ME1: variants seen among roughly 807,000 people sequenced by gnomAD.
ME1 encodes NADP-dependent malic enzyme.
A neutral mutation model predicts 66.4 loss-of-function variants in ME1; 74 were observed. The ratio of observed to expected loss-of-function variants is 1.11; its 90% CI spans 0.92 to 1.35. The LOEUF (loss-of-function observed/expected upper bound fraction) is 1.35. ME1 is among the 40% of genes most tolerant of loss of function. The pLI is 0.00. For synonymous variants in ME1, 251 were observed against 235.6 expected, an observed-to-expected ratio of 1.07 and a Z score of -0.60; for missense variants, 750 against 694.1, an observed-to-expected ratio of 1.08 and a Z score of -0.90.
chr6:83,417,681 A>G (rs1770188564), intron 1 of ME1, among the ~76,000 whole-genome samples: 2 of 152,252 alleles, frequency 1.3e-5, no homozygotes, highest in Admixed American at 6.5e-5. Context: ...GCCAGGCCCA[A>G]CTTTTTTTAA....
At chr6:83,323,274 A>G (rs1768216013) in intron 5 of ME1, among the ~76,000 whole-genome samples, 1 of 152,222 alleles carries the variant, frequency 6.6e-6, no homozygotes, top group Non-Finnish European at 1.5e-5. Flanking sequence ...AGCTAGCATA[A>G]TAATGACAGG....
intron 6 of ME1, among the ~76,000 whole-genome samples, chr6:83,278,752 C>T (rs1156458865): frequency 6.6e-6 from 1 of 152,144 alleles, no homozygotes. Context: ...AGCCACTATG[C>T]CAAGCCTATT....
intron 1 of ME1, among the ~76,000 whole-genome samples, chr6:83,426,640 C>A (rs539889376): frequency 2.6e-5 from 4 of 152,214 alleles, no homozygotes; most frequent in Non-Finnish European, 5.9e-5. Context: ...ACACACCCAA[C>A]TAGGTCTTGT....
chr6:83,387,955 T>A (rs1018598727), intron 3 of ME1, among the ~76,000 whole-genome samples: 1 of 152,140 alleles, frequency 6.6e-6, no homozygotes, highest in African/African-American at 2.4e-5. Context: ...ATCTACCAAG[T>A]TCCAGATCCA....
intron 1 of ME1, among the ~76,000 whole-genome samples, chr6:83,429,184 AC>A (rs1770433186): frequency 6.6e-6 from 1 of 152,264 alleles, no homozygotes; most frequent in East Asian, 1.9e-4. Flanking sequence ...AATGGCGTGA[AC>A]CCAGGAGGTG....
At position 83,210,808 on chromosome 6, in the gene ME1, G is replaced by A. The variant is rs1323174641; in HGVS notation, c.*1116C>T. ...ATTACTTCAAACATTAGTTTCTAAA[G>A]TAAATTAATACAGTCTGGGCATATA... On this transcript the variant is annotated 3_prime_UTR_variant, in exon 14 of 14. Transcript: ENST00000369705. 2.0e-5 allele frequency: 3 copies of A among 152,126 alleles called. No individual in the cohort carries two copies. Among genetic ancestry groups the A allele is most frequent in the Non-Finnish European group, 2.9e-5 (2 of 68,016 alleles). The allele number at this position is 152,126 out of a possible 1,614,324, so 9.4% of individuals were successfully genotyped here.
At chr6:83,300,508 T>C (rs550476983) in intron 6 of ME1, among the ~76,000 whole-genome samples, 1 of 151,952 alleles carries the variant, frequency 6.6e-6, no homozygotes, top group South Asian at 2.1e-4. Flanking sequence ...CTAACATCCA[T>C]TATCTATAGA....
chr6:83,387,006 C>T (rs748134221), intron 3 of ME1, among the ~76,000 whole-genome samples: 2 of 135,616 alleles, frequency 1.5e-5, no homozygotes, highest in Non-Finnish European at 3.4e-5. Flanking sequence ...ATCATAGCAG[C>T]CCAAATTGAC....
intron 6 of ME1, among the ~76,000 whole-genome samples, chr6:83,278,005 G>A (rs1302018821): frequency 2.0e-5 from 3 of 151,998 alleles, no homozygotes; most frequent in East Asian, 3.9e-4. Context: ...CTAGAATTCT[G>A]AATCTAGGGT....
At chr6:83,373,460 C>T (rs74736794) in intron 3 of ME1, among the ~76,000 whole-genome samples, 4,559 of 152,204 alleles carry the variant, frequency 0.03, 219 homozygotes, top group African/African-American at 0.1. Context: ...TCTCGAACTC[C>T]GCCCACCTCA....
intron 6 of ME1, among the ~76,000 whole-genome samples, chr6:83,258,460 C>T (rs1355725613): frequency 6.6e-6 from 1 of 152,126 alleles, no homozygotes; most frequent in South Asian, 2.1e-4. Context: ...TTCAATTCTA[C>T]ATAACTATGA....
At chr6:83,228,697 C>G (rs1790243922) in intron 10 of ME1, 129 bp downstream of exon 10, 2 of 661,894 alleles carry the variant, frequency 3.0e-6, no homozygotes, top group Admixed American at 2.8e-5. Context: ...CTACAGGGTA[C>G]TGTCGCTTGA....
rs192927532 is a variant in ME1, at chr6:83,313,231, C to T, written c.704+2079G>A. Among the ~76,000 whole-genome samples the T allele has an allele frequency of 1.5e-3, 226 of 152,278 alleles. 2 individuals are homozygous for T. Among genetic ancestry groups the T allele is most frequent in the Middle Eastern group, 6.8e-3 (2 of 294 alleles). On this transcript the variant is annotated intron_variant, in intron 6 of 13. Transcript: ENST00000369705. ...TTAGGTTTCACATCTAGATCATTTT[C>T]CTGAAACAATGTTATGACAGAAAGT...
chr6:83,399,298 G>A (rs1769800222), intron 2 of ME1, among the ~76,000 whole-genome samples: 1 of 152,068 alleles, frequency 6.6e-6, no homozygotes, highest in Admixed American at 6.5e-5. Flanking sequence ...ACCCAGACAA[G>A]AAATACTCTT....
chr6:83,360,350 C>G (rs553876844), intron 3 of ME1, among the ~76,000 whole-genome samples: 1 of 152,174 alleles, frequency 6.6e-6, no homozygotes, highest in Non-Finnish European at 1.5e-5. Context: ...TGGCTCTGAG[C>G]TGACGTTGAT....
chr6:83,263,065 TGG>T (rs1766926423), intron 6 of ME1, among the ~76,000 whole-genome samples: 1 of 152,248 alleles, frequency 6.6e-6, no homozygotes, highest in South Asian at 2.1e-4. Flanking sequence ...TGTCACATTT[TGG>T]TAATGCTCCC....
chr6:83,277,442 G>A (rs991877807), intron 6 of ME1, among the ~76,000 whole-genome samples: 4 of 152,220 alleles, frequency 2.6e-5, no homozygotes, highest in Non-Finnish European at 4.4e-5. Flanking sequence ...CTACAAGTAT[G>A]TTGGCTCTGT....
At chr6:83,261,510 C>A (rs1766888245) in intron 6 of ME1, among the ~76,000 whole-genome samples, 1 of 143,958 alleles carries the variant, frequency 6.9e-6, no homozygotes, top group South Asian at 2.2e-4. Context: ...TTGTTTTTGC[C>A]ATCTTTGTCA....
At chr6:83,354,804 T>C (rs112601973) in intron 3 of ME1, among the ~76,000 whole-genome samples, 2 of 152,340 alleles carry the variant, frequency 1.3e-5, no homozygotes, top group Non-Finnish European at 2.9e-5. Context: ...CTGATGCCTA[T>C]AAGTGTGCTA....
Sources: allele counts gnomAD v4.1 joint callset (sites outside exome capture counted in the v4.1 genomes callset), GRCh38; gene constraint gnomAD v4.1.1; transcripts MANE v1.5; gene names NCBI Gene and HGNC (gene_info 2026-07-23, HGNC 2026-07-21).